Variants in BUD13 observed in about 807,000 individuals in gnomAD.
The protein encoded by BUD13 is BUD13 homolog.
In BUD13, 47 loss-of-function variants were observed where a neutral mutation model predicts 62.5. The ratio of observed to expected loss-of-function variants is 0.75; its 90% confidence interval spans 0.60 to 0.96. The LOEUF (loss-of-function observed/expected upper bound fraction) is 0.96. BUD13 is among the 40% of genes least tolerant of loss of function. The probability of loss-of-function intolerance (pLI) is 0.00; values close to 1 mark genes in which losing one functional copy is unlikely to be tolerated. For synonymous variants in BUD13, 293 were observed against 280.1 expected, an observed-to-expected ratio of 1.05 and a Z score of -0.46; for missense variants, 821 against 790.9, an observed-to-expected ratio of 1.04 and a Z score of -0.46.
intron 9 of BUD13, among the ~76,000 whole-genome samples, chr11:116,752,894 T>C (rs1940262134): frequency 1.3e-5 from 2 of 152,092 alleles, no homozygotes. Context: ...GCCTCCCAAA[T>C]AGCTGGTACT....
At chr11:116,761,041 G>T in intron 4 of BUD13, 89 bp from the exon 5 acceptor site, 1 of 1,023,820 alleles carries the variant, frequency 9.8e-7, no homozygotes, top group Non-Finnish European at 1.4e-6. Flanking sequence ...GAAGAACCTA[G>T]AAATTAAAGA....
chr11:116,771,610 A>G (rs1460634780), intron 1 of BUD13, among the ~76,000 whole-genome samples: 1 of 152,216 alleles, frequency 6.6e-6, no homozygotes, highest in Non-Finnish European at 1.5e-5. Flanking sequence ...CAGCCTATAA[A>G]GTGGCACAGC....
At chr11:116,751,073 T>A (rs779880601) in intron 9 of BUD13, among the ~76,000 whole-genome samples, 2 of 152,328 alleles carry the variant, frequency 1.3e-5, no homozygotes, top group Non-Finnish European at 2.9e-5. Context: ...CACTTCCTGA[T>A]CACTCACATC....
Position 116,754,542 on chromosome 11 carries a change from T to G in BUD13, c.1766+2604A>C, listed in dbSNP as rs140627669. Reference sequence around the variant, plus strand: ...TTGAACAAAATCCAACATACATTCCTGAAAACAAAACTCTCAGCAAAACAG... The same window carrying G: ...TTGAACAAAATCCAACATACATTCCGGAAAACAAAACTCTCAGCAAAACAG... On this transcript the variant is annotated intron_variant, in intron 9 of 9. Coordinates refer to ENST00000260210, the MANE Select transcript of BUD13 (RefSeq NM_032725.4). 5.7e-3 allele frequency among the ~76,000 whole-genome samples: 863 copies of G among 152,260 alleles called. 13 individuals carry two copies. The highest frequency in any genetic ancestry group is 0.02 in the African/African-American group (820 of 41,550).
intron 5 of BUD13, 59 bp from the exon 6 acceptor site, chr11:116,759,238 T>C: frequency 8.4e-7 from 1 of 1,193,908 alleles, no homozygotes; most frequent in Non-Finnish European, 1.3e-6. Flanking sequence ...GTAGGCTCCA[T>C]GGGTACACAG....
In BUD13 at chr11:116,763,813, G is replaced by A. The variant is rs184679119; in HGVS notation, c.323-547C>T. ...ACGGTGAATATCAAAATAAAATGCT[G>A]TTAACTATTTAATCCATTTCACTGT... On this transcript the variant is annotated intron_variant, in intron 3 of 9. Transcript: ENST00000260210. Among the ~76,000 whole-genome samples, 409 of 152,132 alleles carry A rather than the reference G, an allele frequency of 2.7e-3. 1 individual carries two copies. Among genetic ancestry groups the A allele is most frequent in the Middle Eastern group, 0.01 (3 of 294 alleles).
chr11:116,753,640 C>G (rs1940279232), intron 9 of BUD13, among the ~76,000 whole-genome samples: 1 of 152,164 alleles, frequency 6.6e-6, no homozygotes, highest in Admixed American at 6.5e-5. Context: ...AAAAAGCTGT[C>G]AATAGAAACC....
intron 2 of BUD13, among the ~76,000 whole-genome samples, chr11:116,768,553 T>C (rs1940570111): frequency 6.6e-6 from 1 of 152,136 alleles, no homozygotes; most frequent in African/African-American, 2.4e-5. Flanking sequence ...TCCCAAATAT[T>C]CTGTAATAAA....
intron 9 of BUD13, among the ~76,000 whole-genome samples, chr11:116,752,767 A>G (rs1036299413): frequency 1.3e-5 from 2 of 152,228 alleles, no homozygotes; most frequent in African/African-American, 2.4e-5. Flanking sequence ...GTCAACTTAT[A>G]GATATCTGCC....
intron 6 of BUD13, 25 bp downstream of exon 6, chr11:116,759,049 G>C: frequency 6.6e-7 from 1 of 1,503,916 alleles, no homozygotes; most frequent in Admixed American, 1.7e-5. Context: ...AGCCTAAATT[G>C]GTCTCTGCAC....
intron 8 of BUD13, 121 bp downstream of exon 8, chr11:116,757,645 T>G: frequency 7.8e-7 from 1 of 1,276,438 alleles, no homozygotes; most frequent in Non-Finnish European, 1.1e-6. Context: ...GAATCTAAAC[T>G]CACAAATACA....
At chr11:116,768,624 T>G (rs1940571957) in intron 2 of BUD13, among the ~76,000 whole-genome samples, 1 of 152,210 alleles carries the variant, frequency 6.6e-6, no homozygotes, top group Admixed American at 6.5e-5. Flanking sequence ...TTACTTCTTC[T>G]GACCAAAACT....
chr11:116,751,454 C>A (rs1349636945), intron 9 of BUD13, among the ~76,000 whole-genome samples: 1 of 151,778 alleles, frequency 6.6e-6, no homozygotes, highest in Non-Finnish European at 1.5e-5. Context: ...CATGGTGAAA[C>A]CCTGTCTCTA....
rs776952117 is a variant in BUD13 at position 116,770,177 on chromosome 11, T to C, written c.189A>G (p.Thr63=). The C allele has an allele frequency of 6.2e-7, 1 of 1,613,760 alleles. No homozygotes were observed. Among genetic ancestry groups the C allele is most frequent in the East Asian group, 2.2e-5 (1 of 44,836 alleles). The change falls in exon 2 of 10, where the codon ACA becomes ACG. Residue 63 remains threonine (T), a synonymous_variant. Coordinates refer to ENST00000260210, the MANE Select transcript of BUD13 (RefSeq NM_032725.4). ...DDDVSWTAIS[T]TKLEKEEEED... ...CCTCTTCCTCCTTTTCTAGTTTGGTTGTGGAGATAGCTGTCCAGCTCACAT... is the reference window on the plus strand; with the variant it reads ...CCTCTTCCTCCTTTTCTAGTTTGGTCGTGGAGATAGCTGTCCAGCTCACAT...
intron 1 of BUD13, among the ~76,000 whole-genome samples, chr11:116,770,858 A>T (rs1347757371): frequency 6.6e-6 from 1 of 151,896 alleles, no homozygotes; most frequent in Non-Finnish European, 1.5e-5. Flanking sequence ...CAGGGACACC[A>T]TCATGGCTCC....
At position 116,760,847 on chromosome 11, in the gene BUD13, G is replaced by A. The variant is rs1447451978; in HGVS notation, c.1142C>T (p.Pro381Leu). The part of the protein sequence containing the change: ...DSDLSPPRNR[P>L]RHRSSDSDLS... Reference sequence around the variant, plus strand: ...GTCAGAATCAGAGCTCCGGTGTCTAGGTCTATTCCGTGGAGGTGACAGATC... The same window carrying A: ...GTCAGAATCAGAGCTCCGGTGTCTAAGTCTATTCCGTGGAGGTGACAGATC... The change falls in exon 5 of 10, where the codon CCT becomes CTT. Residue 381 changes from proline (P) to leucine (L), a missense_variant. Physicochemically the swap from Pro to Leu is moderately conservative, Grantham distance 98. This residue lies in a region of BUD13 where 800 missense variants were observed against 739.2 expected (regional missense o/e 1.08). Coordinates refer to ENST00000260210, the MANE Select transcript of BUD13 (RefSeq NM_032725.4). 3.1e-6 allele frequency: 5 copies of A among 1,614,114 alleles called. No homozygotes were observed. The South Asian group carries it at 5.5e-5, about 18-fold the overall frequency.
chr11:116,757,314 T>G, intron 8 of BUD13, 87 bp from the exon 9 acceptor site: 1 of 1,218,638 alleles, frequency 8.2e-7, no homozygotes, highest in Non-Finnish European at 1.2e-6. Context: ...TCCTTTTTTT[T>G]TAGTAGAGTC....
chr11:116,771,368 A>G (rs548388281), intron 1 of BUD13, among the ~76,000 whole-genome samples: 1 of 152,354 alleles, frequency 6.6e-6, no homozygotes, highest in African/African-American at 2.4e-5. Context: ...ACCCTACAGT[A>G]ACTGGAATAC....
At chr11:116,753,587 A>C (rs1940278063) in intron 9 of BUD13, among the ~76,000 whole-genome samples, 1 of 152,240 alleles carries the variant, frequency 6.6e-6, no homozygotes, top group Admixed American at 6.5e-5. Flanking sequence ...TTAAAAAGTG[A>C]CCAGACAGGT....
Sources: gnomAD v4.1 joint callset for allele counts (sites outside exome capture counted in the v4.1 genomes callset) on GRCh38, gnomAD v4.1.1 for gene constraint, gnomAD v4.1.1 regional missense constraint, MANE v1.5 for transcripts, NCBI Gene and HGNC (gene_info 2026-07-23, HGNC 2026-07-21) for gene names.